The following SREBF2 variants were observed in gnomAD, a reference collection of about 807,000 sequenced individuals.
SREBF2 encodes the protein sterol regulatory element binding transcription factor 2.
A neutral mutation model predicts 113.1 loss-of-function variants in SREBF2; 55 were observed. The ratio of observed to expected loss-of-function variants is 0.49; its 90% confidence interval spans 0.39 to 0.61. The LOEUF (loss-of-function observed/expected upper bound fraction) is 0.61. Ranked by LOEUF, SREBF2 falls within the 20% of genes least tolerant of loss-of-function variation. The pLI, the probability that SREBF2 is intolerant of heterozygous loss-of-function variation, is 0.00. For missense variants in SREBF2, 1,349 were observed against 1,487.4 expected (o/e 0.91, Z 1.53); for synonymous variants, 593 against 605.7 (o/e 0.98, Z 0.31).
intron 12 of SREBF2, 123 bp downstream of exon 12, chr22:41,893,408 TTG>T: frequency 1.0e-6 from 1 of 962,060 alleles, no homozygotes; most frequent in South Asian, 1.4e-5. Flanking sequence ...GTCCGTTTGT[TTG>T]TTTGTTTGTT....
chr22:41,900,209 G>T, intron 15 of SREBF2, 121 bp from the exon 16 acceptor site: 1 of 1,536,562 alleles, frequency 6.5e-7, no homozygotes, highest in Non-Finnish European at 8.7e-7. Context: ...GGCAGCATTG[G>T]AGTCAACAGA....
intron 1 of SREBF2, among the ~76,000 whole-genome samples, chr22:41,838,034 G>A (rs2076795658): frequency 6.6e-6 from 1 of 152,082 alleles, no homozygotes; most frequent in Non-Finnish European, 1.5e-5. Flanking sequence ...CCATAATAGA[G>A]TAAGTCTACC....
At chr22:41,900,094 G>A in intron 15 of SREBF2, 1 of 1,431,330 alleles carries the variant, frequency 7.0e-7, no homozygotes, top group East Asian at 2.6e-5. Context: ...GGTGAAGCCT[G>A]TGTCTCTGAC....
intron 14 of SREBF2, 136 bp from the exon 15 acceptor site, chr22:41,898,513 A>G (rs1026220139): frequency 8.0e-6 from 9 of 1,127,760 alleles, no homozygotes; most frequent in Non-Finnish European, 1.2e-5. Flanking sequence ...TGGGTGTGGG[A>G]GCCCAGAGGC....
chr22:41,902,885 G>A (rs762222902), intron 16 of SREBF2, 85 bp from the exon 17 acceptor site: 27 of 1,423,720 alleles, frequency 1.9e-5, no homozygotes, highest in Non-Finnish European at 2.5e-5. Context: ...GTGTTGGTCT[G>A]GGGAGAGGCC....
chr22:41,867,972 G>A (rs2077101988), intron 2 of SREBF2, among the ~76,000 whole-genome samples: 1 of 152,192 alleles, frequency 6.6e-6, no homozygotes, highest in African/African-American at 2.4e-5. Context: ...CCACTATGGT[G>A]ATGAATATGA....
chr22:41,837,068 G>C (rs1164283640), intron 1 of SREBF2, among the ~76,000 whole-genome samples: 4 of 152,178 alleles, frequency 2.6e-5, no homozygotes. Flanking sequence ...TTACATTCTT[G>C]ATGGAGGAAA....
chr22:41,899,098 G>A (rs2077441909), intron 15 of SREBF2: 2 of 693,264 alleles, frequency 2.9e-6, no homozygotes, highest in Non-Finnish European at 4.2e-6. Context: ...GTGGCCCCCA[G>A]CATCTTCAGA....
chr22:41,857,066 C>CA (rs533566059), intron 1 of SREBF2, among the ~76,000 whole-genome samples: 19,888 of 106,562 alleles, frequency 0.19, 1,620 homozygotes, highest in African/African-American at 0.26. Context: ...GACTCTGTCT[C>CA]AAAAAAAAAA....
chr22:41,905,537 G>A lies in SREBF2; in HGVS notation c.3303G>A (p.Gln1101=). Residue 1101 remains glutamine, a synonymous_variant, in exon 19 of 19, where the codon CAG becomes CAA. Transcript: ENST00000361204. ...TCTCCTTCCTCTCCTCCCCGGGCCA[G>A]CGGGCAGTGCTGCTGGCCGAAGCTG... is the stretch of plus-strand genomic sequence containing the variant. ...LPLSFLSSPG[Q]RAVLLAEAAR... 6.3e-7 allele frequency: 1 copy of A among 1,589,002 alleles called. No individual in the cohort carries two copies. The highest frequency in any genetic ancestry group is 8.6e-7 in the Non-Finnish European group (1 of 1,168,340).
In SREBF2 at chr22:41,873,860, A is replaced by G; in HGVS notation, c.930A>G (p.Lys310=). 1 of 1,613,652 alleles carries G rather than the reference A, an allele frequency of 6.2e-7. No homozygotes were observed. Among genetic ancestry groups the G allele is most frequent in the African/African-American group, 1.3e-5 (1 of 75,042 alleles). The change falls in exon 5 of 19, where the codon AAA becomes AAG. Residue 310 remains lysine, a synonymous_variant. Coordinates refer to ENST00000361204, the MANE Select transcript of SREBF2 (RefSeq NM_004599.4). ...TGCCTGTAATGATGGGGCAAGAGAA[A>G]GTGCCCATTAAGCAGGTACCTGGGG... ...TTMPVMMGQE[K]VPIKQVPGGV...
intron 3 of SREBF2, among the ~76,000 whole-genome samples, chr22:41,870,277 T>C (rs2077127421): frequency 6.6e-6 from 1 of 152,222 alleles, no homozygotes; most frequent in Admixed American, 6.5e-5. Context: ...CCATCTCTGC[T>C]CTGCTCCTGC....
chr22:41,888,085 G>A (rs985328722), intron 11 of SREBF2, among the ~76,000 whole-genome samples: 4 of 152,104 alleles, frequency 2.6e-5, no homozygotes, highest in African/African-American at 7.2e-5. Flanking sequence ...CCCACTCTGG[G>A]GCTTGCCTGT....
intron 1 of SREBF2, among the ~76,000 whole-genome samples, chr22:41,851,056 A>T (rs761208834): frequency 6.6e-6 from 1 of 152,138 alleles, no homozygotes; most frequent in African/African-American, 2.4e-5. Flanking sequence ...CCTCACTTTT[A>T]AAACATAATA....
At chr22:41,887,232 A>G (rs1347775718) in intron 11 of SREBF2, among the ~76,000 whole-genome samples, 1 of 152,162 alleles carries the variant, frequency 6.6e-6, no homozygotes, top group East Asian at 1.9e-4. Flanking sequence ...AAAAAAAAAA[A>G]AGATTACAAT....
chr22:41,841,797 C>G (rs1173107794), intron 1 of SREBF2, among the ~76,000 whole-genome samples: 1 of 152,252 alleles, frequency 6.6e-6, no homozygotes, highest in Non-Finnish European at 1.5e-5. Flanking sequence ...GTACATATCA[C>G]AGTGTTTTCA....
intron 9 of SREBF2, among the ~76,000 whole-genome samples, chr22:41,879,563 C>T (rs1019538245): frequency 6.6e-6 from 1 of 152,168 alleles, no homozygotes; most frequent in Non-Finnish European, 1.5e-5. Context: ...CCAGGGAACA[C>T]CTGCCTCCTT....
rs2077422078 is a variant in SREBF2 at position 41,897,003 on chromosome 22, C to T, written c.2496-49C>T. ...CTGAACAGCTAGGCCATGAGGTGGG[C>T]CTTGTGTATATGTTTTGATGTACAT... On this transcript the variant is annotated intron_variant, in intron 13 of 18. Coordinates refer to ENST00000361204, the MANE Select transcript of SREBF2 (RefSeq NM_004599.4). 1.2e-5 allele frequency: 16 copies of T among 1,334,904 alleles called. No homozygotes were observed. In the East Asian group the frequency reaches 3.5e-4, roughly 29 times the overall value. 82.7% of individuals were successfully genotyped at this position (1,334,904 alleles called of 1,614,324 possible).
At chr22:41,896,153 A>G (rs554614292) in intron 13 of SREBF2, among the ~76,000 whole-genome samples, 5 of 151,050 alleles carry the variant, frequency 3.3e-5, no homozygotes, top group Admixed American at 2.6e-4. Context: ...AAAAAAAAAA[A>G]GAAAGGGGAT....
Sources: gnomAD v4.1 joint callset for allele counts (sites outside exome capture counted in the v4.1 genomes callset) on GRCh38, gnomAD v4.1.1 for gene constraint, MANE v1.5 for transcripts, NCBI Gene and HGNC (gene_info 2026-07-23, HGNC 2026-07-21) for gene names.